Variants in KANSL1 observed in about 807,000 individuals in gnomAD.
The protein encoded by KANSL1 is MLL1/MLL complex subunit KANSL1.
A neutral mutation model predicts 103.6 loss-of-function variants in KANSL1; 22 were observed. The observed-to-expected ratio is 0.21, with a 90% CI of 0.15 to 0.30. The LOEUF (loss-of-function observed/expected upper bound fraction) is 0.30, where lower values mean the gene tolerates loss of function less well. KANSL1 is among the 10% of genes least tolerant of loss of function. The pLI, the probability that KANSL1 is intolerant of heterozygous loss-of-function variation, is 1.00. For synonymous variants in KANSL1, 600 were observed against 527.6 expected (o/e 1.14, Z -1.88); for missense variants, 1,337 against 1,399.8 (o/e 0.96, Z 0.72).
intron 2 of KANSL1, among the ~76,000 whole-genome samples, chr17:46,096,869 A>G (rs62061801): frequency 0.14 from 21,641 of 150,150 alleles, 2,118 homozygotes; most frequent in Middle Eastern, 0.22. Flanking sequence ...CACCCACCTC[A>G]GCCTCCCAAA....
chr17:46,040,091 TCCCAAAGGGAAACAAAACAAGACAC>T, intron 7 of KANSL1: 1 of 459,734 alleles, frequency 2.2e-6, no homozygotes, highest in Admixed American at 3.9e-5. Context: ...TACTTTCAAG[TCCCAAAGGGAAACAAAACAAGACAC>T]CTTTTTGGTT....
chr17:46,068,300 A>T (rs1266339900), intron 4 of KANSL1, among the ~76,000 whole-genome samples: 1 of 152,066 alleles, frequency 6.6e-6, no homozygotes, highest in African/African-American at 2.4e-5. Context: ...ATGGTGGCTC[A>T]TGACTGTAAC....
rs569150917 is a variant in KANSL1, at chr17:46,100,467, C to T, written c.1290-5766G>A. 3.6e-5 allele frequency among the ~76,000 whole-genome samples: 5 copies of T among 140,742 alleles called. No homozygotes were observed. In the East Asian group the frequency reaches 9.7e-4, roughly 27 times the overall value. 92.3% of individuals were successfully genotyped at this position (140,742 alleles called of 152,430 possible). A position where few individuals can be genotyped will look rare whatever the true frequency, so the allele number is the denominator to read the frequency against. Reference sequence around the variant, plus strand: ...CCCAAAAAAAAAAAAAAAAAGCGCCCTCTATAAACACACTTAAACCATACA... The same window carrying T: ...CCCAAAAAAAAAAAAAAAAAGCGCCTTCTATAAACACACTTAAACCATACA... On this transcript the variant is annotated intron_variant, in intron 2 of 14. Coordinates refer to ENST00000432791, the MANE Select transcript of KANSL1 (RefSeq NM_015443.4).
chr17:46,050,271 C>T (rs1272626429), intron 7 of KANSL1: 1 of 510,028 alleles, frequency 2.0e-6, no homozygotes, highest in African/African-American at 1.9e-5. Context: ...ATTACTGTGG[C>T]TAGAGGCAAC....
intron 7 of KANSL1, chr17:46,044,236 C>T (rs2077425087): frequency 6.6e-6 from 1 of 152,128 alleles, no homozygotes; most frequent in Non-Finnish European, 1.5e-5. Context: ...GGTGCTGATC[C>T]TTATCAGGTA....
At chr17:46,116,650 G>A (rs2043060827) in intron 2 of KANSL1, among the ~76,000 whole-genome samples, 1 of 152,202 alleles carries the variant, frequency 6.6e-6, no homozygotes, top group African/African-American at 2.4e-5. Flanking sequence ...TCAACCTTGT[G>A]ACTCTTCTGT....
chr17:46,176,676 A>G (rs1268306128), intron 1 of KANSL1, among the ~76,000 whole-genome samples: 2 of 150,916 alleles, frequency 1.3e-5, no homozygotes, highest in Non-Finnish European at 2.9e-5. Context: ...GGGCAACAAG[A>G]GCAAGACTCC....
At chr17:46,118,977 T>C (rs2043161041) in intron 2 of KANSL1, among the ~76,000 whole-genome samples, 1 of 152,360 alleles carries the variant, frequency 6.6e-6, no homozygotes, top group South Asian at 2.1e-4. Flanking sequence ...TAAACAAAAA[T>C]TGTGGTAAAA....
chr17:46,127,860 A>C (rs2043651985), intron 2 of KANSL1, among the ~76,000 whole-genome samples: 1 of 152,238 alleles, frequency 6.6e-6, no homozygotes. Context: ...CATTTCCTAC[A>C]CCAGTTACCA....
intron 2 of KANSL1, among the ~76,000 whole-genome samples, chr17:46,118,288 A>G (rs2043131478): frequency 6.6e-6 from 1 of 152,264 alleles, no homozygotes; most frequent in African/African-American, 2.4e-5. Context: ...AATCTATTGC[A>G]CACAAACACA....
intron 2 of KANSL1, among the ~76,000 whole-genome samples, chr17:46,129,452 A>G (rs370526867): frequency 1.3e-4 from 20 of 152,268 alleles, no homozygotes; most frequent in African/African-American, 4.3e-4. Flanking sequence ...AAATCACAGT[A>G]TCTCAGCAAC....
chr17:46,160,851 C>CT (rs2045697656), intron 2 of KANSL1, among the ~76,000 whole-genome samples: 1 of 152,168 alleles, frequency 6.6e-6, no homozygotes, highest in Admixed American at 6.5e-5. Context: ...AAAGCTAGTG[C>CT]TTATGCCCAG....
At chr17:46,166,000 C>T (rs1475608733) in intron 2 of KANSL1, among the ~76,000 whole-genome samples, 2 of 151,154 alleles carry the variant, frequency 1.3e-5, no homozygotes, top group Non-Finnish European at 2.9e-5. Context: ...TACCTGAGGT[C>T]GGGAGTTCTG....
intron 1 of KANSL1, among the ~76,000 whole-genome samples, chr17:46,214,605 G>A (rs1326778106): frequency 6.6e-6 from 1 of 152,216 alleles, no homozygotes; most frequent in Non-Finnish European, 1.5e-5. Context: ...AGTGAGCCGA[G>A]ATCGCGCCGT....
At chr17:46,066,514 G>A (rs771471988) in intron 6 of KANSL1, 23 bp downstream of exon 6, 3 of 1,574,472 alleles carry the variant, frequency 1.9e-6, no homozygotes, top group East Asian at 4.5e-5. Context: ...GCTTGACAAT[G>A]ACCAACTCTC....
At chr17:46,183,889 G>A (rs2046903994) in intron 1 of KANSL1, among the ~76,000 whole-genome samples, 1 of 152,198 alleles carries the variant, frequency 6.6e-6, no homozygotes, top group African/African-American at 2.4e-5. Context: ...CTCCAGCGTA[G>A]GCGACAGAAT....
intron 6 of KANSL1, among the ~76,000 whole-genome samples, chr17:46,066,098 T>A (rs2078366206): frequency 6.6e-6 from 1 of 152,144 alleles, no homozygotes. Flanking sequence ...GCTCAAGCAA[T>A]CCTCCCGCCT....
At chr17:46,208,834 C>T (rs1248874575) in intron 1 of KANSL1, among the ~76,000 whole-genome samples, 2 of 143,630 alleles carry the variant, frequency 1.4e-5, no homozygotes, top group African/African-American at 2.7e-5. Flanking sequence ...GCCTGGGCGA[C>T]ACAGCAAGAC....
chr17:46,099,214 C>T lies in KANSL1; in HGVS notation c.1290-4513G>A, dbSNP rs568018784. 2.9e-4 allele frequency among the ~76,000 whole-genome samples: 42 copies of T among 144,298 alleles called. No individual in the cohort carries two copies. The South Asian group carries it at 5.8e-3, about 20-fold the overall frequency. 94.7% of individuals were successfully genotyped at this position (144,298 alleles called of 152,430 possible). On this transcript the variant is annotated intron_variant, in intron 2 of 14. Coordinates refer to ENST00000432791, the MANE Select transcript of KANSL1 (RefSeq NM_015443.4). The stretch of plus-strand genomic sequence containing the variant: ...TGGCGGGCGCCTGTAGTCCCAGCTA[C>T]TCGGGAGGCTGAGGCAGGAGAATGG...
Sources: allele counts gnomAD v4.1 joint callset (sites outside exome capture counted in the v4.1 genomes callset), GRCh38; gene constraint gnomAD v4.1.1; transcripts MANE v1.5; gene names NCBI Gene and HGNC (gene_info 2026-07-23, HGNC 2026-07-21).